BRD7: variants seen among roughly 807,000 people sequenced by gnomAD.
BRD7 encodes the protein bromodomain containing 7.
BRD7 carries 15 observed loss-of-function variants against 82.1 expected under a neutral mutation model. The observed-to-expected ratio is 0.18, with a 90% CI of 0.12 to 0.28. The LOEUF (loss-of-function observed/expected upper bound fraction) is 0.28. BRD7 is among the 10% of genes least tolerant of loss of function. The pLI is 1.00. For synonymous variants in BRD7, 232 were observed against 266.9 expected (o/e 0.87, Z 1.27); for missense variants, 638 against 779.9 (o/e 0.82, Z 2.17).
rs934170526 is a variant in BRD7 at position 50,334,926 on chromosome 16, T to A, written c.703-31A>T. On this transcript the variant is annotated intron_variant, in intron 6 of 16. Transcript: ENST00000394688. ...CATATTCGAAAATATTCTTATTATA[T>A]GTTTGTCATTAACTTTTAAAGTAAT... 2.5e-6 allele frequency: 4 copies of A among 1,594,820 alleles called. No homozygotes were observed. In the African/African-American group the frequency reaches 4.1e-5, roughly 16 times the overall value.
Position 50,317,828 on chromosome 16 carries a change from A to C in BRD7, c.*1383T>G, listed in dbSNP as rs565969163. 6.6e-6 allele frequency: 1 copy of C among 152,464 alleles called. No homozygotes were observed. The highest frequency in any genetic ancestry group is 1.5e-5 in the Non-Finnish European group (1 of 68,020). 9.4% of individuals were successfully genotyped at this position (152,464 alleles called of 1,614,324 possible). ...TCCATGGGTCAAGGACTTCCTTACA[A>C]TTTCTCCTGAGTTAACTTTTGTGAA... On this transcript the variant is annotated 3_prime_UTR_variant, in exon 17 of 17. Coordinates refer to ENST00000394688, the MANE Select transcript of BRD7 (RefSeq NM_013263.5).
At chr16:50,360,027 TTTA>T (rs1291591864) in intron 2 of BRD7, among the ~76,000 whole-genome samples, 3 of 152,230 alleles carry the variant, frequency 2.0e-5, no homozygotes, top group African/African-American at 7.2e-5. Context: ...GGCAAGTTAT[TTTA>T]TTAATCTGTG....
chr16:50,354,576 T>C, intron 3 of BRD7, 94 bp from the exon 4 acceptor site: 3 of 1,222,634 alleles, frequency 2.5e-6, no homozygotes, highest in Non-Finnish European at 3.5e-6. Flanking sequence ...TTATTAAATA[T>C]CTCATACAGA....
chr16:50,330,337 C>CT (rs11360309), intron 8 of BRD7, among the ~76,000 whole-genome samples: 2,132 of 53,906 alleles, frequency 0.04, 65 homozygotes, highest in African/African-American at 0.11. Flanking sequence ...AAAGAGGACA[C>CT]TTTTTTTTTT....
intron 6 of BRD7, among the ~76,000 whole-genome samples, chr16:50,335,571 G>A (rs974144855): frequency 6.6e-6 from 1 of 151,742 alleles, no homozygotes; most frequent in Admixed American, 6.5e-5. Flanking sequence ...AGGCATATTT[G>A]TTTCTACTGA....
In BRD7 at chr16:50,326,274, G is replaced by A. The variant is rs2037333521; in HGVS notation, c.1195+10C>T. 6.2e-7 allele frequency: 1 copy of A among 1,608,952 alleles called. No homozygotes were observed. The highest frequency in any genetic ancestry group is 8.5e-7 in the Non-Finnish European group (1 of 1,176,240). On this transcript the variant is annotated intron_variant, in intron 10 of 16. Coordinates refer to ENST00000394688, the MANE Select transcript of BRD7 (RefSeq NM_013263.5). ...GAAGAGAAAAAATGACTCCTATGCA[G>A]GAGCCTCACCTGGAGTGACTTTGTT...
At position 50,368,301 on chromosome 16, in the gene BRD7, T is replaced by G. The variant is rs768467453; in HGVS notation, c.50-3A>C. On this transcript the variant is annotated splice_region_variant and splice_polypyrimidine_tract_variant and intron_variant, in intron 1 of 16. Coordinates refer to ENST00000394688, the MANE Select transcript of BRD7 (RefSeq NM_013263.5). ...CTTCAAGGGCTTCTCTACATACTCT[T>G]AAAAAAAGAAAAGAAAAGAAAGGAA... 1 of 1,609,670 alleles carries G rather than the reference T, an allele frequency of 6.2e-7. No individual in the cohort carries two copies. The highest frequency in any genetic ancestry group is 8.5e-7 in the Non-Finnish European group (1 of 1,178,794).
At chr16:50,323,407 G>A (rs1443227345) in intron 12 of BRD7, among the ~76,000 whole-genome samples, 180 bp downstream of exon 12, 1 of 152,182 alleles carries the variant, frequency 6.6e-6, no homozygotes, top group Non-Finnish European at 1.5e-5. Context: ...ACAGATCCTG[G>A]TAGCTAAATT....
At chr16:50,329,730 T>C (rs2037481012) in intron 8 of BRD7, among the ~76,000 whole-genome samples, 1 of 152,238 alleles carries the variant, frequency 6.6e-6, no homozygotes, top group African/African-American at 2.4e-5. Context: ...TGTGGGCTGC[T>C]TGTTTGGCAA....
At chr16:50,365,727 G>A (rs556047694) in intron 2 of BRD7, among the ~76,000 whole-genome samples, 32 of 152,240 alleles carry the variant, frequency 2.1e-4, no homozygotes, top group Middle Eastern at 3.4e-3. Flanking sequence ...ATCTGGAAAA[G>A]TCAGAAATTT....
intron 2 of BRD7, among the ~76,000 whole-genome samples, chr16:50,359,682 GTTCC>G (rs1322216800): frequency 6.6e-6 from 1 of 151,980 alleles, no homozygotes; most frequent in East Asian, 1.9e-4. Context: ...AGATTTTTTT[GTTCC>G]TTCCCCATTC....
intron 2 of BRD7, among the ~76,000 whole-genome samples, chr16:50,363,076 C>T (rs4785414): frequency 0.029 from 4,366 of 152,252 alleles, 103 homozygotes; most frequent in Non-Finnish European, 0.043. Context: ...TAAAACGTTA[C>T]GTGTAGCTTT....
intron 13 of BRD7, among the ~76,000 whole-genome samples, chr16:50,321,566 C>CAAAAAAAAA (rs60824563): frequency 7.4e-5 from 5 of 67,446 alleles, no homozygotes; most frequent in African/African-American, 3.0e-4. Context: ...GACTCCATCT[C>CAAAAAAAAA]AAAAAAAAAA....
rs769715857 is a variant in BRD7, at chr16:50,354,468, G to C, written c.403C>G (p.Pro135Ala). The C allele has an allele frequency of 6.2e-7, 1 of 1,611,806 alleles. No homozygotes were observed. The highest frequency in any genetic ancestry group is 8.5e-7 in the Non-Finnish European group (1 of 1,179,154). ...LAKQEEVEQT[P>A]LQEALNQLMR... ...AGTTGATTCAAAGCTTCTTGAAGGG[G>C]TGTCTGTTCTACTTCTAAAGCAAAG... The change falls in exon 4 of 17, where the codon CCC becomes GCC. Residue 135 changes from proline to alanine, a missense_variant. Physicochemically the swap from Pro to Ala is conservative, Grantham distance 27. This residue lies in a region of BRD7 where 64 missense variants were observed against 123.8 expected (regional missense o/e 0.52). Coordinates refer to ENST00000394688, the MANE Select transcript of BRD7 (RefSeq NM_013263.5).
At chr16:50,343,117 C>T (rs935632855) in intron 5 of BRD7, among the ~76,000 whole-genome samples, 2 of 152,198 alleles carry the variant, frequency 1.3e-5, no homozygotes, top group Non-Finnish European at 2.9e-5. Context: ...TTAAACTTCT[C>T]TTTAGTATTT....
In BRD7 at chr16:50,321,962, A is replaced by G. The variant is rs2037137576; in HGVS notation, c.1500+20T>C. 8 of 1,595,244 alleles carry G rather than the reference A, an allele frequency of 5.0e-6. No homozygotes were observed. The highest frequency in any genetic ancestry group is 2.7e-5 in the African/African-American group (2 of 74,132). On this transcript the variant is annotated intron_variant, in intron 13 of 16. Transcript: ENST00000394688. ...TATTTTCCATTTAAATATTTCTTGT[A>G]AAGTGTAAAATAAAATCACCTCCAT...
At chr16:50,330,336 ACTTT>A (rs202244387) in intron 8 of BRD7, among the ~76,000 whole-genome samples, 27,288 of 139,534 alleles carry the variant, frequency 0.2, 2,911 homozygotes, top group Middle Eastern at 0.36. Flanking sequence ...AAAAGAGGAC[ACTTT>A]TTTTTTTTTT....
intron 2 of BRD7, among the ~76,000 whole-genome samples, chr16:50,356,162 A>G (rs1383663082): frequency 6.6e-6 from 1 of 152,214 alleles, no homozygotes; most frequent in Non-Finnish European, 1.5e-5. Flanking sequence ...AGTTTTGATA[A>G]AAATGTAGAG....
chr16:50,319,754 G>T, intron 16 of BRD7, 133 bp downstream of exon 16: 1 of 1,111,780 alleles, frequency 9.0e-7, no homozygotes, highest in Non-Finnish European at 1.3e-6. Flanking sequence ...AGGGACTTGA[G>T]CATCTACAGA....
Sources: gnomAD v4.1 joint callset for allele counts (sites outside exome capture counted in the v4.1 genomes callset) on GRCh38, gnomAD v4.1.1 for gene constraint, gnomAD v4.1.1 regional missense constraint, MANE v1.5 for transcripts, NCBI Gene and HGNC (gene_info 2026-07-23, HGNC 2026-07-21) for gene names.